Variants in ZFPM1 observed in about 807,000 individuals in gnomAD.
The protein encoded by ZFPM1 is zinc finger protein ZFPM1.
ZFPM1 carries 28 observed loss-of-function variants against 46.3 expected under a neutral mutation model. That is an observed-to-expected ratio of 0.60 (90% CI 0.45 to 0.83). ZFPM1 has a LOEUF of 0.83. ZFPM1 is among the 40% of genes least tolerant of loss of function. The pLI is 0.00. For missense variants in ZFPM1, 1,878 were observed against 1,432.4 expected (o/e 1.31, Z -5.02); for synonymous variants, 957 against 675.9 (o/e 1.42, Z -6.45).
chr16:88,452,933 C>G (rs1201298369), upstream of ZFPM1, among the ~76,000 whole-genome samples: 1 of 152,086 alleles, frequency 6.6e-6, no homozygotes, highest in Admixed American at 6.5e-5. Context: ...GTGGGGGAGG[C>G]TAGAGGTCTC....
At chr16:88,488,745 T>C (rs1412489069) in intron 2 of ZFPM1, among the ~76,000 whole-genome samples, 1 of 152,180 alleles carries the variant, frequency 6.6e-6, no homozygotes, top group Non-Finnish European at 1.5e-5. Flanking sequence ...ATGTGCCTGC[T>C]GGCCGGGACA....
chr16:88,484,851 GC>G (rs1909130938), intron 1 of ZFPM1, among the ~76,000 whole-genome samples: 1 of 152,334 alleles, frequency 6.6e-6, no homozygotes, highest in Non-Finnish European at 1.5e-5. Context: ...CGGAGCAGCT[GC>G]CCCCGCACTT....
intron 6 of ZFPM1, among the ~76,000 whole-genome samples, chr16:88,528,994 C>A (rs1329525076): frequency 6.6e-6 from 1 of 152,180 alleles, no homozygotes; most frequent in Non-Finnish European, 1.5e-5. Context: ...GAGTCACTCA[C>A]CCCCGGCCGG....
Position 88,501,737 on chromosome 16 carries a change from G to A in ZFPM1, c.268+12584G>A, listed in dbSNP as rs962833830. On this transcript the variant is annotated intron_variant, in intron 3 of 9. Coordinates refer to ENST00000319555, the MANE Select transcript of ZFPM1 (RefSeq NM_153813.3). ...TTGATGATGGAGGTAACGGGTGTGG[G>A]TGCCGGGCCCTCCCGCTGGTGCTGA... is the stretch of plus-strand genomic sequence containing the variant. Among the ~76,000 whole-genome samples, 17 of 144,168 alleles carry A rather than the reference G, an allele frequency of 1.2e-4. 1 individual carries two copies. The highest frequency in any genetic ancestry group is 4.5e-4 in the African/African-American group (16 of 35,928). The allele number at this position is 144,168 out of a possible 152,430, so 94.6% of individuals were successfully genotyped here.
At chr16:88,532,278 C>T in intron 7 of ZFPM1, 43 bp downstream of exon 7, 1 of 1,530,080 alleles carries the variant, frequency 6.5e-7, no homozygotes, top group Non-Finnish European at 8.8e-7. Context: ...ATGCCGGCTG[C>T]TTCCCCACCC....
Position 88,535,953 on chromosome 16 carries a change from C to G in ZFPM1, c.*974C>G, listed in dbSNP as rs893652662. 1 of 152,204 alleles carries G rather than the reference C, an allele frequency of 6.6e-6. No individual in the cohort carries two copies. The highest frequency in any genetic ancestry group is 2.4e-5 in the African/African-American group (1 of 41,436). The allele number at this position is 152,204 out of a possible 1,614,324, so 9.4% of individuals were successfully genotyped here. On this transcript the variant is annotated 3_prime_UTR_variant, in exon 10 of 10. Coordinates refer to ENST00000319555, the MANE Select transcript of ZFPM1 (RefSeq NM_153813.3). ...TGGAGAACAAAAACACTCTTCTATT[C>G]CCAACGTCACTTTATTTTTTTATTT...
chr16:88,511,154 C>G (rs890025155), intron 3 of ZFPM1, among the ~76,000 whole-genome samples: 1 of 152,208 alleles, frequency 6.6e-6, no homozygotes. Context: ...CCCACCCTGA[C>G]AGGCCCGCCC....
intron 3 of ZFPM1, among the ~76,000 whole-genome samples, chr16:88,489,599 C>T (rs62048972): frequency 0.16 from 24,545 of 152,188 alleles, 2,156 homozygotes; most frequent in East Asian, 0.28. Flanking sequence ...GGAGAGGGCC[C>T]CACCCCACTC....
In ZFPM1 at chr16:88,532,089, G is replaced by A. The variant is rs550839892; in HGVS notation, c.800G>A (p.Arg267His). ...CACCTGCTCTACTACTGCGCCAGCC[G>A]CCAGGGCACCGGCTCCCCGGCCGCA... ...QAHLLYYCASRQGTGSPAAAA... is the reference protein window; with the variant it reads ...QAHLLYYCASHQGTGSPAAAA... Residue 267 changes from arginine (R) to histidine (H), a missense_variant, in exon 7 of 10, where the codon CGC becomes CAC. Physicochemically the swap from Arg to His is conservative, Grantham distance 29. Coordinates refer to ENST00000319555, the MANE Select transcript of ZFPM1 (RefSeq NM_153813.3). 14 of 1,612,430 alleles carry A rather than the reference G, an allele frequency of 8.7e-6. No homozygotes were observed. The highest frequency in any genetic ancestry group is 1.1e-5 in the South Asian group (1 of 91,040).
chr16:88,519,010 A>G (rs1282190087), intron 4 of ZFPM1, among the ~76,000 whole-genome samples: 1 of 144,506 alleles, frequency 6.9e-6, no homozygotes, highest in Non-Finnish European at 1.5e-5. Context: ...GTATGGGTGG[A>G]TGGATGAGTG....
intron 3 of ZFPM1, among the ~76,000 whole-genome samples, chr16:88,490,127 C>T (rs1270944426): frequency 2.6e-5 from 4 of 151,714 alleles, no homozygotes; most frequent in Non-Finnish European, 5.9e-5. Flanking sequence ...GATCTCGGCT[C>T]ACTGCAAGCT....
chr16:88,474,111 AGGC>A (rs1484867671), intron 1 of ZFPM1, among the ~76,000 whole-genome samples: 1 of 152,212 alleles, frequency 6.6e-6, no homozygotes, highest in Non-Finnish European at 1.5e-5. Flanking sequence ...TGGACTTGGC[AGGC>A]GGCGGCTCCG....
intron 1 of ZFPM1, among the ~76,000 whole-genome samples, chr16:88,476,816 A>G (rs955946494): frequency 6.6e-6 from 1 of 152,212 alleles, no homozygotes; most frequent in Non-Finnish European, 1.5e-5. Flanking sequence ...AGGGCTTCCC[A>G]GAGGGGCAGG....
intron 1 of ZFPM1, among the ~76,000 whole-genome samples, chr16:88,484,337 T>A (rs1597241349): frequency 6.6e-6 from 1 of 152,210 alleles, no homozygotes; most frequent in Non-Finnish European, 1.5e-5. Context: ...CCTCCAGGGA[T>A]GGGGCGCTCA....
chr16:88,458,409 C>T (rs1907652958), intron 1 of ZFPM1, among the ~76,000 whole-genome samples: 1 of 152,332 alleles, frequency 6.6e-6, no homozygotes, highest in Non-Finnish European at 1.5e-5. Context: ...GCCCCGCCAG[C>T]CCCTCCCTGG....
chr16:88,453,795 G>T (rs1226573718), intron 1 of ZFPM1, 117 bp downstream of exon 1: 1 of 548,678 alleles, frequency 1.8e-6, no homozygotes, highest in South Asian at 7.5e-5. Context: ...CCTTCACCCC[G>T]CGCCGCGCCC....
At chr16:88,482,154 T>C (rs1296944741) in intron 1 of ZFPM1, among the ~76,000 whole-genome samples, 1 of 152,086 alleles carries the variant, frequency 6.6e-6, no homozygotes. Context: ...GGGGGGTTCT[T>C]TGCTAGCCCC....
intron 3 of ZFPM1, among the ~76,000 whole-genome samples, chr16:88,499,818 C>A (rs1910148463): frequency 6.6e-6 from 1 of 152,308 alleles, no homozygotes; most frequent in East Asian, 1.9e-4. Context: ...GGGAAGGGCC[C>A]AGGCCCACCC....
At chr16:88,457,189 G>C (rs992082205) in intron 1 of ZFPM1, among the ~76,000 whole-genome samples, 1 of 152,250 alleles carries the variant, frequency 6.6e-6, no homozygotes, top group East Asian at 1.9e-4. Flanking sequence ...AGAGGGAGAT[G>C]GGGTGGTTTC....
Sources: gnomAD v4.1 joint callset for allele counts (sites outside exome capture counted in the v4.1 genomes callset) on GRCh38, gnomAD v4.1.1 for gene constraint, MANE v1.5 for transcripts, NCBI Gene and HGNC (gene_info 2026-07-23, HGNC 2026-07-21) for gene names.